CCNC: variants seen among roughly 807,000 people sequenced by gnomAD.
The protein encoded by CCNC is cyclin-C.
In CCNC, 19 loss-of-function variants were observed where a neutral mutation model predicts 50.0. That is an observed-to-expected ratio of 0.38 (90% confidence interval 0.27 to 0.56). The LOEUF (loss-of-function observed/expected upper bound fraction) is 0.56. CCNC is among the 20% of genes least tolerant of loss of function. The pLI is 0.72. For synonymous variants in CCNC, 93 were observed against 103.7 expected, an observed-to-expected ratio of 0.90 and a Z score of 0.63; for missense variants, 200 against 327.1, an observed-to-expected ratio of 0.61 and a Z score of 3.00.
At chr6:99,547,728 G>A (rs928321168) in intron 9 of CCNC, among the ~76,000 whole-genome samples, 3 of 152,112 alleles carry the variant, frequency 2.0e-5, no homozygotes, top group African/African-American at 7.2e-5. Context: ...GTCCCCTCGG[G>A]GCAAAATTAT....
chr6:99,547,518 T>C (rs1055625523), intron 9 of CCNC, among the ~76,000 whole-genome samples: 3 of 151,570 alleles, frequency 2.0e-5, no homozygotes, highest in Admixed American at 1.3e-4. Flanking sequence ...GAGAAGAGAA[T>C]AGTATGTATA....
At chr6:99,568,203 G>C (rs749195783) in intron 1 of CCNC, 1 of 473,848 alleles carries the variant, frequency 2.1e-6, no homozygotes, top group Non-Finnish European at 3.9e-6. Flanking sequence ...CCGACCCCCC[G>C]CGGCCTAGCT....
chr6:99,553,643 C>T (rs1017625071), intron 5 of CCNC, among the ~76,000 whole-genome samples: 4 of 152,084 alleles, frequency 2.6e-5, no homozygotes, highest in African/African-American at 9.7e-5. Context: ...GCTCAAATTT[C>T]CCTTGAAAAA....
chr6:99,556,780 G>A (rs765393410), intron 5 of CCNC, among the ~76,000 whole-genome samples: 2 of 152,184 alleles, frequency 1.3e-5, no homozygotes, highest in Admixed American at 6.5e-5. Context: ...AATTAGCCCG[G>A]CGTGGTGGCA....
At chr6:99,568,736 T>G (rs1174090740), upstream of CCNC, 9 of 1,399,174 alleles carry the variant, frequency 6.4e-6, no homozygotes, top group Non-Finnish European at 8.4e-6. Context: ...CCCGTTCCTA[T>G]CGACAAAAGT....
chr6:99,553,039 CA>C (rs11325067), intron 5 of CCNC, among the ~76,000 whole-genome samples: 93,838 of 144,360 alleles, frequency 0.65, 30,117 homozygotes, highest in East Asian at 0.91. Flanking sequence ...GACTCCATCT[CA>C]AAAAAAAAAA....
rs368499761 is a variant in CCNC at position 99,550,166 on chromosome 6, A to G, written c.530+52T>C. On this transcript the variant is annotated intron_variant, in intron 8 of 11. Transcript: ENST00000520429. The stretch of plus-strand genomic sequence containing the variant: ...TACTTAACTTCATATTTAATTGTCA[A>G]CCTTCCTATCTAATAACATGTTACA... The G allele has an allele frequency of 3.0e-4, 374 of 1,243,724 alleles. 2 individuals are homozygous for G. The highest frequency in any genetic ancestry group is 3.9e-4 in the Non-Finnish European group (333 of 862,804). The allele number at this position is 1,243,724 out of a possible 1,614,324, so 77.0% of individuals were successfully genotyped here.
chr6:99,550,731 A>G (rs546021617), intron 7 of CCNC: 29 of 252,186 alleles, frequency 1.1e-4, no homozygotes, highest in Non-Finnish European at 1.8e-4. Flanking sequence ...TAATGTCCTG[A>G]CTTGTCTGTT....
At chr6:99,561,270 C>T in intron 4 of CCNC, 97 bp downstream of exon 4, 1 of 796,028 alleles carries the variant, frequency 1.3e-6, no homozygotes, top group South Asian at 1.4e-5. Flanking sequence ...GCATAAATTA[C>T]CATTTATTAA....
chr6:99,559,843 C>G (rs9484020), intron 4 of CCNC, among the ~76,000 whole-genome samples: 4,454 of 151,872 alleles, frequency 0.029, 259 homozygotes, highest in African/African-American at 0.1. Context: ...CTTCGGCCTC[C>G]CTAGTAGCTG....
At chr6:99,552,959 T>C (rs1802364291) in intron 5 of CCNC, among the ~76,000 whole-genome samples, 1 of 151,966 alleles carries the variant, frequency 6.6e-6, no homozygotes, top group Admixed American at 6.6e-5. Context: ...GGAGAATCCC[T>C]TGAACCCGGG....
At chr6:99,560,121 A>G (rs181693652) in intron 4 of CCNC, among the ~76,000 whole-genome samples, 17 of 152,306 alleles carry the variant, frequency 1.1e-4, no homozygotes, top group Admixed American at 1.1e-3. Context: ...TTTAACAAGT[A>G]AGATAGATTA....
In CCNC at chr6:99,543,740, A is replaced by G; in HGVS notation, c.798-131T>C. 2.1e-6 allele frequency: 3 copies of G among 1,449,174 alleles called. No homozygotes were observed. The Admixed American group carries it at 8.0e-5, about 39-fold the overall frequency. The allele number at this position is 1,449,174 out of a possible 1,614,324, so 89.8% of individuals were successfully genotyped here. A position where few individuals can be genotyped will look rare whatever the true frequency, so the allele number is the denominator to read the frequency against. ...ACAAAACAAAGACATTCCTCATTAT[A>G]AGACACGTGAAAAATTAAAATCCAG... On this transcript the variant is annotated intron_variant, in intron 11 of 11. Transcript: ENST00000520429.
rs763353110 is a variant in CCNC at position 99,558,477 on chromosome 6, G to A, written c.346+20C>T. 3 of 1,610,528 alleles carry A rather than the reference G, an allele frequency of 1.9e-6. No homozygotes were observed. In the South Asian group the frequency reaches 3.3e-5, roughly 18 times the overall value. ...TCTTTAGAATTACATCCTTAAAGCA[G>A]ATATACTTTTTGCACTTACATACAG... On this transcript the variant is annotated intron_variant, in intron 5 of 11. Coordinates refer to ENST00000520429, the MANE Select transcript of CCNC (RefSeq NM_005190.4).
chr6:99,545,303 C>T (rs1802026674), intron 10 of CCNC, 73 bp from the exon 11 acceptor site: 1 of 745,774 alleles, frequency 1.3e-6, no homozygotes, highest in Non-Finnish European at 2.4e-6. Flanking sequence ...GCATACATCA[C>T]TACACAACCC....
chr6:99,562,785 AT>A, intron 2 of CCNC, 56 bp downstream of exon 2: 1 of 983,598 alleles, frequency 1.0e-6, no homozygotes, highest in Non-Finnish European at 1.5e-6. Flanking sequence ...ACACAAAAAC[AT>A]TTTTATTCAG....
At chr6:99,549,420 T>TA in intron 9 of CCNC, 88 bp downstream of exon 9, 1 of 865,154 alleles carries the variant, frequency 1.2e-6, no homozygotes, top group Non-Finnish European at 1.9e-6. Context: ...CATAAAAACA[T>TA]AAAGTACAAT....
intron 1 of CCNC, chr6:99,568,288 A>C: frequency 1.7e-6 from 1 of 591,674 alleles, no homozygotes; most frequent in Non-Finnish European, 3.0e-6. Flanking sequence ...CCTCCCCCTC[A>C]CAGATCCTTC....
At chr6:99,554,687 ACTT>A (rs1186924589) in intron 5 of CCNC, among the ~76,000 whole-genome samples, 1 of 152,100 alleles carries the variant, frequency 6.6e-6, no homozygotes, top group Non-Finnish European at 1.5e-5. Context: ...TGTTTTGAAT[ACTT>A]CTTTATTACT....
Sources: gnomAD v4.1 joint callset for allele counts (sites outside exome capture counted in the v4.1 genomes callset) on GRCh38, gnomAD v4.1.1 for gene constraint, MANE v1.5 for transcripts, NCBI Gene and HGNC (gene_info 2026-07-23, HGNC 2026-07-21) for gene names.